TF: variants seen among roughly 807,000 people sequenced by gnomAD.
The protein encoded by TF is transferrin, also known as serotransferrin.
In TF, 55 loss-of-function variants were observed where a neutral mutation model predicts 82.4. The observed-to-expected ratio is 0.67, with a 90% CI of 0.54 to 0.84. TF has a LOEUF of 0.84. Ranked by LOEUF, TF falls within the 40% of genes least tolerant of loss-of-function variation. TF has a pLI of 0.00. For synonymous variants in TF, 332 were observed against 332.6 expected (o/e 1.00, Z 0.02); for missense variants, 737 against 868.4 (o/e 0.85, Z 1.90).
chr3:133,771,417 A>G (rs549141631), intron 14 of TF, among the ~76,000 whole-genome samples: 2 of 152,342 alleles, frequency 1.3e-5, no homozygotes, highest in South Asian at 4.1e-4. Flanking sequence ...GGCAACCAAT[A>G]TATTGATAAC....
the TF span, among the ~76,000 whole-genome samples, chr3:133,723,637 T>TTTATTATTATTA: frequency 0.011 from 1,550 of 143,496 alleles, 17 homozygotes; most frequent in Middle Eastern, 0.025. Flanking sequence ...GTTTGGTTCT[T>TTTATTATTATTA]TTATTATTAT....
rs1934968921 is a variant in TF, at chr3:133,796,314, C to T, written c.*17694C>T. On this transcript the variant is annotated 3_prime_UTR_variant, in exon 17 of 17. Coordinates refer to ENST00000402696, the MANE Select transcript of TF (RefSeq NM_001063.4). ...CATGAAGCAGTTACAAAAGAAAGAC[C>T]ATCGGCCCCTCCACCTCCCATAAAG... 1 of 152,332 alleles carries T rather than the reference C, an allele frequency of 6.6e-6. No individual in the cohort carries two copies. Among genetic ancestry groups the T allele is most frequent in the Non-Finnish European group, 1.5e-5 (1 of 68,108 alleles). 9.4% of individuals were successfully genotyped at this position (152,332 alleles called of 1,614,324 possible).
chr3:133,723,621 A>T, the TF span, among the ~76,000 whole-genome samples: 7 of 136,390 alleles, frequency 5.1e-5, no homozygotes, highest in East Asian at 1.1e-3. Context: ...TCAGTTCACA[A>T]TATCTGTTTG....
At chr3:133,733,574 G>C in the TF span, among the ~76,000 whole-genome samples, 7 of 152,172 alleles carry the variant, frequency 4.6e-5, no homozygotes, top group Non-Finnish European at 7.3e-5. Flanking sequence ...TGAAAATATG[G>C]TGATGAGAAA....
intron 1 of TF, among the ~76,000 whole-genome samples, chr3:133,746,706 A>C: frequency 6.6e-6 from 1 of 152,186 alleles, no homozygotes; most frequent in South Asian, 2.1e-4. Flanking sequence ...CTCTTTGTCC[A>C]GTAAATCTTG....
chr3:133,706,299 C>T, the TF span, among the ~76,000 whole-genome samples: 1 of 152,162 alleles, frequency 6.6e-6, no homozygotes, highest in Non-Finnish European at 1.5e-5. Context: ...AAATAAAATC[C>T]ACCTTTCAGC....
chr3:133,755,468 A>C lies in TF; in HGVS notation c.608A>C (p.Gln203Pro). 6.2e-7 allele frequency: 1 copy of C among 1,614,058 alleles called. No individual in the cohort carries two copies. The highest frequency in any genetic ancestry group is 1.7e-4 in the Middle Eastern group (1 of 6,060). ...GGGTGTGGCTGCTCCACCCTTAACC[A>C]ATACTTCGGCTACTCGGGAGCCTTC... Reference protein sequence around the residue: ...CPGCGCSTLNQYFGYSGAFKC... With the variant: ...CPGCGCSTLNPYFGYSGAFKC... The change falls in exon 5 of 17, where the codon CAA (glutamine) becomes CCA (proline). Residue 203 changes from glutamine (Q) to proline (P), a missense_variant. By Grantham distance (76) the Gln-to-Pro change is moderately conservative. Transcript: ENST00000402696.
At chr3:133,664,319 T>G in the TF span, among the ~76,000 whole-genome samples, 1 of 152,212 alleles carries the variant, frequency 6.6e-6, no homozygotes, top group South Asian at 2.1e-4. Context: ...CATACTCCCA[T>G]GTACTTTTTT....
rs1364604743 is a variant in TF at position 133,764,828 on chromosome 3, C to T, written c.1298-47C>T. 6 of 1,589,604 alleles carry T rather than the reference C, an allele frequency of 3.8e-6. No homozygotes were observed. In the African/African-American group the frequency reaches 6.7e-5, roughly 18 times the overall value. On this transcript the variant is annotated intron_variant, in intron 10 of 16. Coordinates refer to ENST00000402696, the MANE Select transcript of TF (RefSeq NM_001063.4). ...TAAAAAAAAGGCATGGTTTCCCAAT[C>T]TATAAATCAGGGTTTAATGCCTTTT...
the TF span, among the ~76,000 whole-genome samples, chr3:133,662,703 A>G: frequency 6.6e-6 from 1 of 152,202 alleles, no homozygotes; most frequent in Non-Finnish European, 1.5e-5. Flanking sequence ...ACCAGCGGAA[A>G]ACTGATTCGT....
At chr3:133,757,042 A>G (rs1470830827) in intron 7 of TF, 33 bp downstream of exon 7, 1 of 1,613,890 alleles carries the variant, frequency 6.2e-7, no homozygotes, top group Non-Finnish European at 8.5e-7. Context: ...CCTCCAGCTT[A>G]GTGCTCCCTG....
At chr3:133,740,551 G>C in the TF span, among the ~76,000 whole-genome samples, 3 of 151,984 alleles carry the variant, frequency 2.0e-5, no homozygotes, top group Non-Finnish European at 2.9e-5. Flanking sequence ...AGCTGGTCTC[G>C]AACTCCTGAC....
At chr3:133,728,930 G>T in the TF span, among the ~76,000 whole-genome samples, 10 of 152,340 alleles carry the variant, frequency 6.6e-5, no homozygotes, top group African/African-American at 1.9e-4. Flanking sequence ...TCCAGACCCT[G>T]TTCGCCTGGG....
At position 133,792,390 on chromosome 3, in the gene TF, T is replaced by C. The variant is rs896556053; in HGVS notation, c.*13770T>C. ...ATGCAAGAAATATACAATTTAACGG[T>C]GATTAGACCTCCTAAATGCTTCATA... is the stretch of plus-strand genomic sequence containing the variant. On this transcript the variant is annotated 3_prime_UTR_variant, in exon 17 of 17. Coordinates refer to ENST00000402696, the MANE Select transcript of TF (RefSeq NM_001063.4). The C allele has an allele frequency of 1.3e-5, 2 of 152,186 alleles. No individual in the cohort carries two copies. Among genetic ancestry groups the C allele is most frequent in the African/African-American group, 4.8e-5 (2 of 41,450 alleles). 9.4% of individuals were successfully genotyped at this position (152,186 alleles called of 1,614,324 possible). A position where few individuals can be genotyped will look rare whatever the true frequency, so the allele number is the denominator to read the frequency against.
chr3:133,717,157 C>G, the TF span, among the ~76,000 whole-genome samples: 1 of 152,290 alleles, frequency 6.6e-6, no homozygotes, highest in Non-Finnish European at 1.5e-5. Context: ...TGCTTCGTGT[C>G]TCTTTTCTTC....
At chr3:133,666,173 T>C in the TF span, among the ~76,000 whole-genome samples, 1 of 152,148 alleles carries the variant, frequency 6.6e-6, no homozygotes, top group Non-Finnish European at 1.5e-5. Flanking sequence ...ATGTACAATT[T>C]GCTTTGGTTT....
At chr3:133,694,782 G>C in the TF span, among the ~76,000 whole-genome samples, 10 of 152,196 alleles carry the variant, frequency 6.6e-5, no homozygotes, top group Non-Finnish European at 8.8e-5. Flanking sequence ...TGCTCCATAA[G>C]AGAAATAGCT....
chr3:133,714,968 C>T, the TF span, among the ~76,000 whole-genome samples: 1 of 152,192 alleles, frequency 6.6e-6, no homozygotes, highest in South Asian at 2.1e-4. Flanking sequence ...CAGGTGTGAG[C>T]CACCACACCC....
intron 14 of TF, 29 bp downstream of exon 14, chr3:133,770,601 A>G (rs764033157): frequency 1.9e-6 from 3 of 1,609,184 alleles, no homozygotes; most frequent in Admixed American, 1.7e-5. Flanking sequence ...CTGTCCCCCT[A>G]GATCACTAGA....
Sources: gnomAD v4.1 joint callset for allele counts (sites outside exome capture counted in the v4.1 genomes callset) on GRCh38, gnomAD v4.1.1 for gene constraint, MANE v1.5 for transcripts, NCBI Gene and HGNC (gene_info 2026-07-23, HGNC 2026-07-21) for gene names.